KCNG3: variants seen among roughly 807,000 people sequenced by gnomAD.
The protein encoded by KCNG3 is voltage-gated potassium channel regulatory subunit KCNG3.
Under a neutral mutation model 29.0 loss-of-function variants are expected in KCNG3, and 15 were observed. That is an observed-to-expected ratio of 0.52 (90% CI 0.35 to 0.80). The LOEUF (loss-of-function observed/expected upper bound fraction) is 0.80. Ranked by LOEUF, KCNG3 falls within the 30% of genes least tolerant of loss-of-function variation. The pLI, the probability that KCNG3 is intolerant of heterozygous loss-of-function variation, is 0.01. For synonymous variants in KCNG3, 322 were observed against 248.9 expected (o/e 1.29, Z -2.76); for missense variants, 512 against 605.7 (o/e 0.85, Z 1.62).
At chr2:42,402,313 T>C in the KCNG3 span, among the ~76,000 whole-genome samples, 1 of 152,212 alleles carries the variant, frequency 6.6e-6, no homozygotes, top group Non-Finnish European at 1.5e-5. Context: ...TATGAGCCAG[T>C]TCCCTAAATA....
intron 1 of KCNG3, among the ~76,000 whole-genome samples, chr2:42,471,581 T>A (rs1267359131): frequency 6.6e-6 from 1 of 152,158 alleles, no homozygotes; most frequent in Admixed American, 6.6e-5. Context: ...TTGTACAATG[T>A]AGTGCGTATC....
At chr2:42,425,457 G>A in the KCNG3 span, among the ~76,000 whole-genome samples, 1 of 151,850 alleles carries the variant, frequency 6.6e-6, no homozygotes, top group Non-Finnish European at 1.5e-5. Flanking sequence ...GTGGGGATGC[G>A]GGGTGTAGAG....
the KCNG3 span, among the ~76,000 whole-genome samples, chr2:42,399,227 T>C: frequency 6.6e-6 from 1 of 151,968 alleles, no homozygotes. Flanking sequence ...TGGCTAATTT[T>C]TGTGCCTTTT....
At chr2:42,436,445 T>C in the KCNG3 span, among the ~76,000 whole-genome samples, 11 of 152,252 alleles carry the variant, frequency 7.2e-5, no homozygotes, top group African/African-American at 2.7e-4. Flanking sequence ...TTTAGTTCCA[T>C]TTTTAAACTT....
chr2:42,493,187 G>C lies in KCNG3; in HGVS notation c.315C>G (p.Gly105=), dbSNP rs772533350. 5.0e-6 allele frequency: 8 copies of C among 1,609,764 alleles called. 1 individual carries two copies. The Admixed American group carries it at 1.2e-4, about 23-fold the overall frequency. The change falls in exon 1 of 2, where the codon GGC becomes GGG. Residue 105 remains glycine, a synonymous_variant. Coordinates refer to ENST00000306078, the MANE Select transcript of KCNG3 (RefSeq NM_133329.6). ...YNEMIYWGLE[G]AHLEYCCQRR... The stretch of plus-strand genomic sequence containing the variant: ...GCTGGCAGCAGTACTCGAGGTGCGC[G>C]CCCTCCAGGCCCCAGTAGATCATCT...
At chr2:42,419,395 G>A in the KCNG3 span, among the ~76,000 whole-genome samples, 1 of 151,476 alleles carries the variant, frequency 6.6e-6, no homozygotes, top group Admixed American at 6.6e-5. Context: ...CTGCCACCAT[G>A]CCCGGCCAAT....
At chr2:42,421,136 C>T in the KCNG3 span, among the ~76,000 whole-genome samples, 1 of 152,166 alleles carries the variant, frequency 6.6e-6, no homozygotes, top group East Asian at 1.9e-4. Flanking sequence ...GACATATTCA[C>T]AGGGAAAAAG....
chr2:42,462,103 T>C (rs1314140605), intron 1 of KCNG3, among the ~76,000 whole-genome samples: 3 of 152,156 alleles, frequency 2.0e-5, no homozygotes, highest in Admixed American at 1.3e-4. Flanking sequence ...AAAAAATAAA[T>C]TGAGTGGTGA....
In KCNG3 at chr2:42,444,456, C is replaced by T. The variant is rs367799233; in HGVS notation, c.789G>A (p.Thr263=). The change falls in exon 2 of 2, where the codon ACG becomes ACA. Residue 263 remains threonine, a synonymous_variant. Transcript: ENST00000306078. The surrounding 1 kb of genome is among the most constrained non-coding windows in gnomAD (Gnocchi z 5.8). Reference sequence around the variant, plus strand: ...TCATCAACACAGAGATGTAATACGGCGTGATTGCCAGTAAATCAATGATGT... The same window carrying T: ...TCATCAACACAGAGATGTAATACGGTGTGATTGCCAGTAAATCAATGATGT... The part of the protein sequence containing the change: ...PLNIIDLLAI[T]PYYISVLMTV... The T allele has an allele frequency of 7.6e-5, 122 of 1,613,926 alleles. 1 individual carries two copies. Among genetic ancestry groups the T allele is most frequent in the Middle Eastern group, 6.6e-4 (4 of 6,084 alleles).
the KCNG3 span, among the ~76,000 whole-genome samples, chr2:42,389,188 G>A: frequency 6.6e-6 from 1 of 152,144 alleles, no homozygotes; most frequent in Non-Finnish European, 1.5e-5. Flanking sequence ...AAAGTGCTAG[G>A]ATTATAGTCA....
At chr2:42,423,933 A>G in the KCNG3 span, among the ~76,000 whole-genome samples, 5 of 152,310 alleles carry the variant, frequency 3.3e-5, no homozygotes, top group Admixed American at 1.3e-4. Flanking sequence ...CATTTTAAAA[A>G]TCAATTCATT....
At chr2:42,438,905 A>AAACACCATAGGAAAGAACACTG (rs1672421610), downstream of KCNG3, among the ~76,000 whole-genome samples, 1 of 151,358 alleles carries the variant, frequency 6.6e-6, no homozygotes, top group East Asian at 1.9e-4. Flanking sequence ...TCAGGAAGTG[A>AAACACCATAGGAAAGAACACTG]AACACCATAG....
At chr2:42,400,425 C>T in the KCNG3 span, among the ~76,000 whole-genome samples, 1 of 152,166 alleles carries the variant, frequency 6.6e-6, no homozygotes, top group Non-Finnish European at 1.5e-5. Context: ...ATCCCATTTG[C>T]CATCCCTCTG....
At chr2:42,480,380 A>C (rs1558387928) in intron 1 of KCNG3, among the ~76,000 whole-genome samples, 1 of 152,170 alleles carries the variant, frequency 6.6e-6, no homozygotes, top group Non-Finnish European at 1.5e-5. Flanking sequence ...GTAAAGTGTT[A>C]AGTCCAGGCC....
At chr2:42,433,524 A>C in the KCNG3 span, among the ~76,000 whole-genome samples, 1 of 152,192 alleles carries the variant, frequency 6.6e-6, no homozygotes, top group Non-Finnish European at 1.5e-5. Context: ...ATATCACTTG[A>C]GGTCAGGAGT....
the KCNG3 span, among the ~76,000 whole-genome samples, chr2:42,423,391 G>A: frequency 6.6e-6 from 1 of 152,160 alleles, no homozygotes; most frequent in African/African-American, 2.4e-5. Flanking sequence ...TCTGCCTGCA[G>A]GGTGAAGCCC....
chr2:42,460,947 G>A (rs1020797897), intron 1 of KCNG3, among the ~76,000 whole-genome samples: 1 of 152,010 alleles, frequency 6.6e-6, no homozygotes, highest in Non-Finnish European at 1.5e-5. Flanking sequence ...AGATCACAAG[G>A]TCAGGAGATT....
At chr2:42,466,518 C>CAAT (rs1037720272) in intron 1 of KCNG3, among the ~76,000 whole-genome samples, 6 of 152,136 alleles carry the variant, frequency 3.9e-5, no homozygotes, top group African/African-American at 9.7e-5. Flanking sequence ...GGCCTAGGAG[C>CAAT]AATAGGCTAT....
chr2:42,436,909 C>T, the KCNG3 span, among the ~76,000 whole-genome samples: 29 of 152,246 alleles, frequency 1.9e-4, 1 homozygote, highest in South Asian at 5.6e-3. Context: ...CTTGTTCTTT[C>T]ATACATGCAT....
Sources: allele counts gnomAD v4.1 joint callset (sites outside exome capture counted in the v4.1 genomes callset), GRCh38; gene constraint gnomAD v4.1.1; non-coding constraint Gnocchi (gnomAD v3.1); transcripts MANE v1.5; gene names NCBI Gene and HGNC (gene_info 2026-07-23, HGNC 2026-07-21).